MICALL2: variants seen among roughly 807,000 people sequenced by gnomAD.
MICALL2 encodes the protein MICAL like 2.
A neutral mutation model predicts 91.1 loss-of-function variants in MICALL2; 111 were observed. That is an observed-to-expected ratio of 1.22 (90% CI 1.04 to 1.43). The LOEUF (loss-of-function observed/expected upper bound fraction) is 1.43, where lower values mean the gene tolerates loss of function less well. MICALL2 is among the 40% of genes most tolerant of loss of function. The pLI is 0.00. For synonymous variants in MICALL2, 694 were observed against 525.3 expected (o/e 1.32, Z -4.39); for missense variants, 1,556 against 1,236.0 (o/e 1.26, Z -3.88).
chr7:1,445,730 G>A (rs1018744302), intron 5 of MICALL2, among the ~76,000 whole-genome samples: 2 of 152,158 alleles, frequency 1.3e-5, no homozygotes, highest in Non-Finnish European at 2.9e-5. Flanking sequence ...GCTTGTGCAG[G>A]TCAGCAGACA....
chr7:1,437,943 C>G lies in MICALL2; in HGVS notation c.2349G>C (p.Trp783Cys), dbSNP rs1269553213. ...GCAGAAGCTGCTTCTCGTGAATGAG[C>G]CAGAACCAGTCCACCATGAGGCTAT... ...AEDSLMVDWF[W>C]LIHEKQLLLR... The change falls in exon 13 of 17, where the codon TGG becomes TGC. Residue 783 changes from tryptophan to cysteine, a missense_variant. Physicochemically the swap from Trp to Cys is radical, Grantham distance 215. Coordinates refer to ENST00000297508, the MANE Select transcript of MICALL2 (RefSeq NM_182924.4). The G allele has an allele frequency of 2.6e-6, 4 of 1,549,954 alleles. No homozygotes were observed. In the South Asian group the frequency reaches 3.6e-5, roughly 14 times the overall value.
chr7:1,446,908 G>T, intron 4 of MICALL2, 80 bp from the exon 5 acceptor site: 1 of 1,014,944 alleles, frequency 9.9e-7, no homozygotes, highest in Non-Finnish European at 1.4e-6. Flanking sequence ...GTGGCCGGAA[G>T]AGCCCATCTT....
chr7:1,456,064 C>T lies in MICALL2; in HGVS notation c.143+3120G>A, dbSNP rs543117379. Among the ~76,000 whole-genome samples, 8 of 151,952 alleles carry T rather than the reference C, an allele frequency of 5.3e-5. 1 individual carries two copies. The South Asian group carries it at 1.0e-3, about 20-fold the overall frequency. On this transcript the variant is annotated intron_variant, in intron 1 of 16. Coordinates refer to ENST00000297508, the MANE Select transcript of MICALL2 (RefSeq NM_182924.4). ...CCAGCCACCACCTCATCCAGAGGTA[C>T]GGCAGGGAGCAGAGGCTGAGGGCAC... is the stretch of plus-strand genomic sequence containing the variant.
intron 13 of MICALL2, 48 bp downstream of exon 13, chr7:1,437,842 G>T: frequency 6.6e-7 from 1 of 1,508,092 alleles, no homozygotes; most frequent in Middle Eastern, 2.3e-4. Context: ...TGCCCAGCCC[G>T]CAACGAGGTC....
chr7:1,440,031 GGCC>G lies in MICALL2; in HGVS notation c.1857_1859del (p.Glu619_Ala620delinsAsp). ...CAAAGCTGCCTGAGACCTTCCTGGG[GGCC>G]TCCCCCGCCCTCGGCTCTGCCAGGG... On this transcript the variant is annotated inframe_deletion, in exon 9 of 17. Coordinates refer to ENST00000297508, the MANE Select transcript of MICALL2 (RefSeq NM_182924.4). 1 of 1,578,278 alleles carries G rather than the reference GGCC, an allele frequency of 6.3e-7. No individual in the cohort carries two copies. Among genetic ancestry groups the G allele is most frequent in the Non-Finnish European group, 8.6e-7 (1 of 1,168,852 alleles).
chr7:1,459,335 C>T lies in MICALL2; in HGVS notation c.-9G>A, dbSNP rs765740284. 2.1e-5 allele frequency: 31 copies of T among 1,506,298 alleles called. 1 individual carries two copies. In the South Asian group the frequency reaches 3.4e-4, roughly 16 times the overall value. The allele number at this position is 1,506,298 out of a possible 1,614,324, so 93.3% of individuals were successfully genotyped here. A position where few individuals can be genotyped will look rare whatever the true frequency, so the allele number is the denominator to read the frequency against. On this transcript the variant is annotated 5_prime_UTR_variant, in exon 1 of 17. Coordinates refer to ENST00000297508, the MANE Select transcript of MICALL2 (RefSeq NM_182924.4). The stretch of plus-strand genomic sequence containing the variant: ...GCCCTGATGGCCGCCATGTGGGCGG[C>T]GCGCCCGCCGCGCGGCGGAACCGCC...
At chr7:1,441,753 C>T (rs374904167) in intron 7 of MICALL2, 27 of 209,672 alleles carry the variant, frequency 1.3e-4, no homozygotes, top group Non-Finnish European at 1.9e-4. Context: ...GCACCATCTC[C>T]GGTATGTGGT....
chr7:1,441,017 G>A (rs547749093), intron 7 of MICALL2: 12 of 339,970 alleles, frequency 3.5e-5, no homozygotes, highest in East Asian at 1.3e-4. Flanking sequence ...CCTGAGCCAC[G>A]GCTGCCCGTC....
intron 1 of MICALL2, among the ~76,000 whole-genome samples, chr7:1,454,096 A>T (rs1482641273): frequency 7.9e-6 from 1 of 127,358 alleles, no homozygotes; most frequent in Non-Finnish European, 1.7e-5. Context: ...GGGAATGTAT[A>T]CCCCCCTCCA....
intron 6 of MICALL2, 53 bp downstream of exon 6, chr7:1,444,599 C>A: frequency 6.4e-7 from 1 of 1,550,512 alleles, no homozygotes; most frequent in East Asian, 2.4e-5. Flanking sequence ...CGGGGCCCCG[C>A]TGGCTGGTGC....
chr7:1,435,066 G>GCCAGC (rs771552273), intron 16 of MICALL2, 35 bp downstream of exon 16: 8 of 1,489,140 alleles, frequency 5.4e-6, no homozygotes, highest in Admixed American at 1.8e-5. Context: ...CACCCAGCCA[G>GCCAGC]CCAGCCCAGC....
chr7:1,440,534 CATTT>C, intron 8 of MICALL2, 53 bp downstream of exon 8: 2 of 1,445,982 alleles, frequency 1.4e-6, no homozygotes, highest in Non-Finnish European at 1.9e-6. Flanking sequence ...ATACTCACTG[CATTT>C]ATTAAGCACC....
chr7:1,453,482 C>A (rs1026956689), intron 1 of MICALL2, among the ~76,000 whole-genome samples: 1 of 152,136 alleles, frequency 6.6e-6, no homozygotes, highest in African/African-American at 2.4e-5. Context: ...CGTTGGCCTG[C>A]AGAACTGCGG....
intron 14 of MICALL2, 63 bp from the exon 15 acceptor site, chr7:1,436,919 A>C: frequency 2.4e-6 from 3 of 1,225,342 alleles, no homozygotes; most frequent in African/African-American, 1.5e-5. Context: ...ACAGGACACA[A>C]TGTCCCCACC....
At chr7:1,436,963 A>G in intron 14 of MICALL2, 107 bp from the exon 15 acceptor site, 1 of 789,738 alleles carries the variant, frequency 1.3e-6, no homozygotes, top group Non-Finnish European at 1.9e-6. Flanking sequence ...TGGAGGAAGA[A>G]GGTGGGGTCT....
intron 5 of MICALL2, among the ~76,000 whole-genome samples, chr7:1,445,761 G>A (rs1282838136): frequency 6.6e-6 from 1 of 152,304 alleles, no homozygotes; most frequent in East Asian, 1.9e-4. Flanking sequence ...GGCCACCCCA[G>A]GCCCCACCTC....
chr7:1,444,658 G>A lies in MICALL2; in HGVS notation c.1412C>T (p.Pro471Leu), dbSNP rs752609425. ...TCGGTCCCCACGCGCTCACCTGCCA[G>A]GCGCCGGAGCGCCAGCCTCTTCCAG... ...SALEEAGAPAPGRPSPATAAV... is the reference protein window; with the variant it reads ...SALEEAGAPALGRPSPATAAV... Residue 471 changes from proline (P) to leucine (L), a missense_variant, in exon 6 of 17, where the codon CCT (proline) becomes CTT (leucine). Pro to Leu is a moderately conservative substitution (Grantham distance 98). Coordinates refer to ENST00000297508, the MANE Select transcript of MICALL2 (RefSeq NM_182924.4). 8 of 1,609,740 alleles carry A rather than the reference G, an allele frequency of 5.0e-6. No individual in the cohort carries two copies. Among genetic ancestry groups the A allele is most frequent in the Non-Finnish European group, 6.8e-6 (8 of 1,179,588 alleles).
At chr7:1,454,290 CAGAG>C (rs1780936430) in intron 1 of MICALL2, among the ~76,000 whole-genome samples, 1 of 151,870 alleles carries the variant, frequency 6.6e-6, no homozygotes, top group African/African-American at 2.4e-5. Context: ...GGTGGACGGA[CAGAG>C]AGAGCTGGAG....
In MICALL2 at chr7:1,438,235, G is replaced by A. The variant is rs776483413; in HGVS notation, c.2188-15C>T. ...TCGGGGTGCAGCTGGGAACGGAGGG[G>A]CGGTGAGGATGCCGGAGGGCTGGGC... On this transcript the variant is annotated splice_polypyrimidine_tract_variant and intron_variant, in intron 11 of 16. Transcript: ENST00000297508. 1.1e-5 allele frequency: 18 copies of A among 1,589,306 alleles called. 1 individual carries two copies. The highest frequency in any genetic ancestry group is 1.7e-4 in the Middle Eastern group (1 of 6,006).
Sources: allele counts gnomAD v4.1 joint callset (sites outside exome capture counted in the v4.1 genomes callset), GRCh38; gene constraint gnomAD v4.1.1; transcripts MANE v1.5; gene names NCBI Gene and HGNC (gene_info 2026-07-23, HGNC 2026-07-21).